The following IPCEF1 variants were observed in gnomAD, a reference collection of about 807,000 sequenced individuals.
The protein encoded by IPCEF1 is interactor protein for cytohesin exchange factors 1.
IPCEF1 carries 31 observed loss-of-function variants against 50.9 expected under a neutral mutation model. The observed-to-expected ratio is 0.61, with a 90% CI of 0.46 to 0.82. IPCEF1 has a LOEUF of 0.82. Ranked by LOEUF, IPCEF1 falls within the 40% of genes least tolerant of loss-of-function variation. The probability of loss-of-function intolerance (pLI) is 0.00; values close to 1 mark genes in which losing one functional copy is unlikely to be tolerated. For synonymous variants in IPCEF1, 181 were observed against 192.0 expected, an observed-to-expected ratio of 0.94 and a Z score of 0.47; for missense variants, 458 against 514.0, an observed-to-expected ratio of 0.89 and a Z score of 1.05.
chr6:154,355,311 G>A (rs58551900), intron 1 of IPCEF1, among the ~76,000 whole-genome samples: 4,478 of 152,096 alleles, frequency 0.029, 93 homozygotes, highest in African/African-American at 0.04. Context: ...GTTCATACAT[G>A]GACCCACTCC....
intron 9 of IPCEF1, among the ~76,000 whole-genome samples, chr6:154,212,454 T>C (rs919531670): frequency 6.6e-6 from 1 of 152,200 alleles, no homozygotes; most frequent in African/African-American, 2.4e-5. Context: ...TGAGAAAAAG[T>C]AGAACATAAA....
At chr6:154,164,412 G>T (rs1799262379) in intron 11 of IPCEF1, among the ~76,000 whole-genome samples, 1 of 152,124 alleles carries the variant, frequency 6.6e-6, no homozygotes, top group East Asian at 1.9e-4. Context: ...TACAGAAGAA[G>T]GAAATTAATG....
intron 1 of IPCEF1, among the ~76,000 whole-genome samples, chr6:154,342,441 T>G (rs1317484939): frequency 6.6e-6 from 1 of 152,184 alleles, no homozygotes; most frequent in African/African-American, 2.4e-5. Flanking sequence ...CTCACCCCTC[T>G]CCCTACATGC....
intron 10 of IPCEF1, among the ~76,000 whole-genome samples, chr6:154,170,241 CTCCTTAATGTTTATATGTTTCACT>C (rs530040819): frequency 7.5e-4 from 115 of 152,342 alleles, no homozygotes; most frequent in African/African-American, 2.7e-3. Context: ...CCACCACATA[CTCCTTAATGTTTATATGTTTCACT>C]TCCTGTCCAA....
In IPCEF1 at chr6:154,292,812, T is replaced by C. The variant is rs370853130; in HGVS notation, c.-61-3056A>G. ...GGTATTAACTTAAAAGTGGGCGATA[T>C]GTTAAAATAAATGAGTATTAGCTGT... On this transcript the variant is annotated intron_variant, in intron 1 of 11. Coordinates refer to ENST00000367220, the MANE Select transcript of IPCEF1 (RefSeq NM_001130700.2). Among the ~76,000 whole-genome samples, 9 of 152,298 alleles carry C rather than the reference T, an allele frequency of 5.9e-5. No individual in the cohort carries two copies. The East Asian group carries it at 1.7e-3, about 29-fold the overall frequency.
At chr6:154,311,911 A>T (rs990519063) in intron 1 of IPCEF1, among the ~76,000 whole-genome samples, 2 of 152,246 alleles carry the variant, frequency 1.3e-5, no homozygotes, top group Admixed American at 1.3e-4. Context: ...AATTAAAAAT[A>T]CAACTACGAT....
At chr6:154,282,688 A>G (rs1368845721) in intron 2 of IPCEF1, among the ~76,000 whole-genome samples, 1 of 151,446 alleles carries the variant, frequency 6.6e-6, no homozygotes, top group Non-Finnish European at 1.5e-5. Flanking sequence ...CTCCGTCTCA[A>G]AAAAAAAAGA....
At chr6:154,231,191 A>G (rs554178673) in intron 5 of IPCEF1, among the ~76,000 whole-genome samples, 1 of 152,332 alleles carries the variant, frequency 6.6e-6, no homozygotes, top group Admixed American at 6.5e-5. Flanking sequence ...AGAAATCTGA[A>G]TTATATTCTT....
intron 1 of IPCEF1, among the ~76,000 whole-genome samples, chr6:154,337,536 A>G (rs1783813115): frequency 6.6e-6 from 1 of 152,230 alleles, no homozygotes; most frequent in African/African-American, 2.4e-5. Context: ...GACACAAGTT[A>G]CAGGGTAGGC....
At chr6:154,226,563 C>G (rs1188894250) in intron 5 of IPCEF1, among the ~76,000 whole-genome samples, 1 of 151,980 alleles carries the variant, frequency 6.6e-6, no homozygotes, top group Non-Finnish European at 1.5e-5. Context: ...TTCAATCCAC[C>G]CATTACCTAC....
chr6:154,310,050 C>CTTTAGTCA (rs1234206485), intron 1 of IPCEF1, among the ~76,000 whole-genome samples: 7 of 152,330 alleles, frequency 4.6e-5, no homozygotes, highest in African/African-American at 1.4e-4. Flanking sequence ...AGGCGTGAGC[C>CTTTAGTCA]ACCACACCCG....
intron 1 of IPCEF1, among the ~76,000 whole-genome samples, chr6:154,318,937 T>A (rs1274710230): frequency 6.6e-6 from 1 of 152,200 alleles, no homozygotes; most frequent in Admixed American, 6.5e-5. Context: ...CTTTCAAGGA[T>A]AAATGTGAAT....
At chr6:154,333,627 C>T (rs561007290) in intron 1 of IPCEF1, among the ~76,000 whole-genome samples, 4 of 143,842 alleles carry the variant, frequency 2.8e-5, no homozygotes, top group African/African-American at 5.0e-5. Context: ...TATATACGTA[C>T]ATATGTATAC....
At chr6:154,322,402 A>ACACC (rs1554224662) in intron 1 of IPCEF1, among the ~76,000 whole-genome samples, 20 of 94,418 alleles carry the variant, frequency 2.1e-4, no homozygotes, top group Admixed American at 1.3e-3. Context: ...ACACACACAC[A>ACACC]CCCCTATGTT....
chr6:154,180,313 CAG>C (rs1800723804), intron 10 of IPCEF1, among the ~76,000 whole-genome samples: 1 of 150,676 alleles, frequency 6.6e-6, no homozygotes. Flanking sequence ...AAACTTAGGT[CAG>C]CTACCTAACT....
chr6:154,241,234 C>T (rs920111596), intron 5 of IPCEF1, among the ~76,000 whole-genome samples: 2 of 79,234 alleles, frequency 2.5e-5, no homozygotes, highest in African/African-American at 9.5e-5. Flanking sequence ...GACTCCATCT[C>T]AAAAAAAAAA....
intron 1 of IPCEF1, among the ~76,000 whole-genome samples, chr6:154,353,187 A>T (rs1267551565): frequency 6.6e-6 from 1 of 152,154 alleles, no homozygotes; most frequent in African/African-American, 2.4e-5. Context: ...ACTGCAATGA[A>T]CCATGAACTT....
At chr6:154,202,149 T>A (rs536028236) in intron 9 of IPCEF1, among the ~76,000 whole-genome samples, 8 of 152,326 alleles carry the variant, frequency 5.3e-5, no homozygotes, top group African/African-American at 1.9e-4. Flanking sequence ...GATTGTCAGA[T>A]AATCAATAAA....
chr6:154,197,601 G>A (rs936391540), intron 10 of IPCEF1, among the ~76,000 whole-genome samples: 22 of 152,288 alleles, frequency 1.4e-4, no homozygotes, highest in African/African-American at 5.3e-4. Flanking sequence ...ATAATACCAG[G>A]TTGCTTCATT....
Sources: gnomAD v4.1 joint callset for allele counts (sites outside exome capture counted in the v4.1 genomes callset) on GRCh38, gnomAD v4.1.1 for gene constraint, MANE v1.5 for transcripts, NCBI Gene and HGNC (gene_info 2026-07-23, HGNC 2026-07-21) for gene names.